The following ITGAD variants were observed in gnomAD, a reference collection of about 807,000 sequenced individuals.
The protein encoded by ITGAD is integrin subunit alpha D.
In ITGAD, 105 loss-of-function variants were observed where a neutral mutation model predicts 139.0. That is an observed-to-expected ratio of 0.76 (90% CI 0.65 to 0.89). ITGAD has a LOEUF of 0.89. Ranked by LOEUF, ITGAD falls within the 40% of genes least tolerant of loss-of-function variation. The pLI is 0.00. For synonymous variants in ITGAD, 569 were observed against 598.3 expected, an observed-to-expected ratio of 0.95 and a Z score of 0.71; for missense variants, 1,384 against 1,487.3, an observed-to-expected ratio of 0.93 and a Z score of 1.14.
chr16:31,401,553 C>A (rs992290851), intron 5 of ITGAD, among the ~76,000 whole-genome samples: 2 of 152,190 alleles, frequency 1.3e-5, no homozygotes, highest in African/African-American at 2.4e-5. Flanking sequence ...ATCCTACAGG[C>A]CTCGAAGGTG....
rs1305647895 is a variant in ITGAD, at chr16:31,407,883, A to G, written c.976A>G (p.Lys326Glu). The G allele has an allele frequency of 1.3e-6, 2 of 1,598,366 alleles. No individual in the cohort carries two copies. Among genetic ancestry groups the G allele is most frequent in the Non-Finnish European group, 8.6e-7 (1 of 1,166,928 alleles). Reference sequence around the variant, plus strand: ...CTTTGCAGCCCTTGGCAGCATCCAGAAGCAGCTGCAGGAGAAGATCTATGC... The same window carrying G: ...CTTTGCAGCCCTTGGCAGCATCCAGGAGCAGCTGCAGGAGAAGATCTATGC... ...DNFAALGSIQKQLQEKIYAVE... is the reference protein window; with the variant it reads ...DNFAALGSIQEQLQEKIYAVE... Residue 326 changes from lysine (K) to glutamate (E), a missense_variant, in exon 9 of 30, where the codon AAG becomes GAG. Transcript: ENST00000389202.
chr16:31,425,911 C>G (rs2142870816), intron 29 of ITGAD, 104 bp from the exon 30 acceptor site: 1 of 704,554 alleles, frequency 1.4e-6, no homozygotes, highest in East Asian at 2.8e-5. Context: ...CAGCTCCTGA[C>G]CTCAGGTGAT....
At position 31,407,670 on chromosome 16, in the gene ITGAD, T is replaced by C; in HGVS notation, c.858+2T>C. The C allele has an allele frequency of 1.2e-6, 2 of 1,613,918 alleles. No individual in the cohort carries two copies. The highest frequency in any genetic ancestry group is 1.7e-6 in the Non-Finnish European group (2 of 1,179,898). On this transcript the variant is annotated splice_donor_variant, in intron 8 of 29. Coordinates refer to ENST00000389202, the MANE Select transcript of ITGAD (RefSeq NM_005353.3). LOFTEE classifies it high-confidence loss of function. ...GGCATCATCCGCTACGCTATCGGGGTGCGCCTCTTCTTCACCCCTGCCCCA... is the reference window on the plus strand; with the variant it reads ...GGCATCATCCGCTACGCTATCGGGGCGCGCCTCTTCTTCACCCCTGCCCCA...
At chr16:31,394,447 G>T in intron 2 of ITGAD, 106 bp downstream of exon 2, 1 of 718,166 alleles carries the variant, frequency 1.4e-6, no homozygotes, top group African/African-American at 1.8e-5. Context: ...GCCAGCAGGG[G>T]TGAGAAGTCT....
intron 29 of ITGAD, among the ~76,000 whole-genome samples, chr16:31,425,098 G>T (rs576668824): frequency 4.6e-5 from 7 of 151,554 alleles, no homozygotes; most frequent in Non-Finnish European, 1.0e-4. Context: ...TTGAGATGGA[G>T]TCTCACTCAG....
At chr16:31,419,196 CAAA>C (rs79173110) in intron 23 of ITGAD, among the ~76,000 whole-genome samples, 4 of 81,326 alleles carry the variant, frequency 4.9e-5, no homozygotes, top group African/African-American at 4.5e-5. Flanking sequence ...CTGTCTCAAA[CAAA>C]AAAAAAAAAA....
Position 31,411,579 on chromosome 16 carries a change from C to T in ITGAD, c.1707+62C>T, listed in dbSNP as rs578182516. On this transcript the variant is annotated intron_variant, in intron 14 of 29. Transcript: ENST00000389202. ...CTTCCCATGTCCTGAGTTCACTGAA[C>T]GCAGCCTCCTGTCTCTGTCACCATT... is the stretch of plus-strand genomic sequence containing the variant. The T allele has an allele frequency of 8.2e-5, 123 of 1,507,058 alleles. No individual in the cohort carries two copies. In the East Asian group the frequency reaches 1.9e-3, roughly 23 times the overall value. 93.4% of individuals were successfully genotyped at this position (1,507,058 alleles called of 1,614,324 possible).
chr16:31,407,774 C>T lies in ITGAD; in HGVS notation c.867C>T (p.His289=), dbSNP rs373776239. 231 of 1,613,974 alleles carry T rather than the reference C, an allele frequency of 1.4e-4. 1 individual carries two copies. In the East Asian group the frequency reaches 2.7e-3, roughly 19 times the overall value. The part of the protein sequence containing the change: ...GIIRYAIGVG[H]AFQGPTARQE... ...CTGTCTCTCTGCTGCAGGTGGGACACGCTTTCCAGGGACCCACTGCCAGGC... is the reference window on the plus strand; with the variant it reads ...CTGTCTCTCTGCTGCAGGTGGGACATGCTTTCCAGGGACCCACTGCCAGGC... The change falls in exon 9 of 30, where the codon CAC becomes CAT. Residue 289 remains histidine (H), a synonymous_variant. Transcript: ENST00000389202.
intron 2 of ITGAD, among the ~76,000 whole-genome samples, chr16:31,396,859 G>A (rs2142576129): frequency 6.6e-6 from 1 of 152,168 alleles, no homozygotes; most frequent in South Asian, 2.1e-4. Context: ...CTTTACATTG[G>A]CCAATTGAAA....
chr16:31,422,351 G>A (rs558440489), intron 23 of ITGAD, among the ~76,000 whole-genome samples: 1 of 152,180 alleles, frequency 6.6e-6, no homozygotes, highest in East Asian at 1.9e-4. Context: ...GCTGAAGGAA[G>A]TTTGGGTGGA....
intron 16 of ITGAD, among the ~76,000 whole-genome samples, chr16:31,413,907 C>G (rs1157566081): frequency 6.6e-6 from 1 of 152,222 alleles, no homozygotes; most frequent in East Asian, 1.9e-4. Flanking sequence ...CAAGCATGCT[C>G]TCCTTAGAAC....
At chr16:31,422,586 G>T (rs2082029002) in intron 23 of ITGAD, among the ~76,000 whole-genome samples, 1 of 152,114 alleles carries the variant, frequency 6.6e-6, no homozygotes. Flanking sequence ...AGCATTACCA[G>T]AGGCCAAACA....
chr16:31,423,780 T>C, intron 26 of ITGAD, 65 bp from the exon 27 acceptor site: 1 of 1,579,750 alleles, frequency 6.3e-7, no homozygotes. Flanking sequence ...AACCTGACCA[T>C]ATTTTTTCCT....
intron 22 of ITGAD, 45 bp from the exon 23 acceptor site, chr16:31,418,436 C>T: frequency 1.2e-6 from 2 of 1,608,030 alleles, no homozygotes; most frequent in East Asian, 4.5e-5. Flanking sequence ...GCTAGAGACC[C>T]CTCTCCTGGA....
intron 29 of ITGAD, among the ~76,000 whole-genome samples, chr16:31,425,446 T>G (rs930393311): frequency 2.0e-5 from 3 of 152,204 alleles, no homozygotes; most frequent in African/African-American, 7.2e-5. Flanking sequence ...GGCCAGGGCA[T>G]GTGCACAGAT....
intron 18 of ITGAD, among the ~76,000 whole-genome samples, 194 bp downstream of exon 18, chr16:31,415,185 C>T (rs984805175): frequency 6.6e-5 from 10 of 152,134 alleles, no homozygotes; most frequent in African/African-American, 2.2e-4. Context: ...ATTTCTCCTC[C>T]TGGTCCCAGC....
Position 31,410,455 on chromosome 16 carries a change from C to A in ITGAD, c.1144C>A (p.Pro382Thr). Reference protein sequence around the residue: ...FSWSGGAFLYPPNMSPTFINM... With the variant: ...FSWSGGAFLYTPNMSPTFINM... ...CTGGTCTGGAGGTGCCTTCCTGTAT[C>A]CCCCAAATATGAGCCCCACCTTCAT... The change falls in exon 11 of 30, where the codon CCC becomes ACC. Residue 382 changes from proline to threonine, a missense_variant. Pro to Thr is a conservative substitution (Grantham distance 38). Coordinates refer to ENST00000389202, the MANE Select transcript of ITGAD (RefSeq NM_005353.3). 6.2e-7 allele frequency: 1 copy of A among 1,613,928 alleles called. No homozygotes were observed.
chr16:31,424,065 G>A (rs745495705), intron 27 of ITGAD, 37 bp from the exon 28 acceptor site: 8 of 1,613,336 alleles, frequency 5.0e-6, no homozygotes, highest in Admixed American at 3.3e-5. Context: ...GCCTCCCCCA[G>A]AGCCAGTTCC....
At chr16:31,396,577 A>G (rs2081268548) in intron 2 of ITGAD, among the ~76,000 whole-genome samples, 1 of 152,318 alleles carries the variant, frequency 6.6e-6, no homozygotes, top group African/African-American at 2.4e-5. Context: ...TTTCTTCACA[A>G]AGCCTTAGGC....
Sources: allele counts gnomAD v4.1 joint callset (sites outside exome capture counted in the v4.1 genomes callset), GRCh38; gene constraint gnomAD v4.1.1; transcripts MANE v1.5; gene names NCBI Gene and HGNC (gene_info 2026-07-23, HGNC 2026-07-21).